ZNF16: variants seen among roughly 807,000 people sequenced by gnomAD.
The protein encoded by ZNF16 is zinc finger protein 16.
ZNF16 carries 7 observed loss-of-function variants against 9.0 expected under a neutral mutation model. That is an observed-to-expected ratio of 0.78 (90% CI 0.44 to 1.47). The LOEUF is 1.47. Among genes scored for constraint, ZNF16 ranks in the 40% most tolerant of loss-of-function variants. ZNF16 has a pLI of 0.01. For missense variants in ZNF16, 830 were observed against 854.2 expected, an observed-to-expected ratio of 0.97 and a Z score of 0.35; for synonymous variants, 312 against 301.5, an observed-to-expected ratio of 1.03 and a Z score of -0.36.
At chr8:144,947,808 C>G (rs762005320) in intron 1 of ZNF16, 1 of 152,532 alleles carries the variant, frequency 6.6e-6, no homozygotes, top group Non-Finnish European at 1.5e-5. Context: ...CCTAACTACT[C>G]CCTGTGAGCA....
At chr8:144,944,374 C>G (rs1833877583) in intron 2 of ZNF16, 1 of 152,320 alleles carries the variant, frequency 6.6e-6, no homozygotes, top group South Asian at 2.1e-4. Flanking sequence ...TGCTGGGTTA[C>G]AGGCGTGAGC....
chr8:144,937,431 G>A (rs558376145), intron 2 of ZNF16, among the ~76,000 whole-genome samples: 2 of 152,134 alleles, frequency 1.3e-5, no homozygotes, highest in South Asian at 4.1e-4. Context: ...ACCACACCTG[G>A]CTTCTTTTCA....
chr8:144,932,853 G>A lies in ZNF16; in HGVS notation c.197-263C>T, dbSNP rs1833591525. 6.6e-6 allele frequency among the ~76,000 whole-genome samples: 1 copy of A among 152,108 alleles called. No individual in the cohort carries two copies. Among genetic ancestry groups the A allele is most frequent in the Non-Finnish European group, 1.5e-5 (1 of 68,018 alleles). The stretch of plus-strand genomic sequence containing the variant: ...ACTCCACATCTCAGCAAACGTTACT[G>A]CGGTCTACCTTCTGGCTCAGGCCAA... On this transcript the variant is annotated intron_variant, in intron 2 of 2. Coordinates refer to ENST00000394909, the MANE Select transcript of ZNF16 (RefSeq NM_006958.3). This position sits in a 1 kb window ranked among gnomAD's most constrained non-coding sequence, Gnocchi z 5.0.
At position 144,931,433 on chromosome 8, in the gene ZNF16, G is replaced by T; in HGVS notation, c.1354C>A (p.Arg452=). 6.2e-7 allele frequency: 1 copy of T among 1,614,100 alleles called. No individual in the cohort carries two copies. The highest frequency in any genetic ancestry group is 8.5e-7 in the Non-Finnish European group (1 of 1,180,030). ...GGCTTTTCTCCAGTGTGAATTCTCC[G>T]ATGCTGAATAAGGCTGGAGCTCTGA... ...FSQSSSLIQH[R]RIHTGEKPHV... is the part of the protein sequence containing the mutation. The change falls in exon 3 of 3, where the codon CGG becomes AGG. Residue 452 remains arginine (R), a synonymous_variant. Coordinates refer to ENST00000394909, the MANE Select transcript of ZNF16 (RefSeq NM_006958.3).
rs1290206949 is a variant in ZNF16, at chr8:144,930,994, T to TC, written c.1792dup (p.Glu598GlyfsTer8). The TC allele has an allele frequency of 2.5e-6, 4 of 1,614,108 alleles. No individual in the cohort carries two copies. Among genetic ancestry groups the TC allele is most frequent in the Non-Finnish European group, 3.4e-6 (4 of 1,180,034 alleles). On this transcript the variant is annotated frameshift_variant, in exon 3 of 3. Transcript: ENST00000394909. LOFTEE classifies it high-confidence loss of function. ...ACATTCAACACAGGTGTAGGGTTTT[T>TC]CCCCAGTATGAACTTTCTGGTGGTG...
At chr8:144,945,716 G>T in intron 2 of ZNF16, 1 of 313,634 alleles carries the variant, frequency 3.2e-6, no homozygotes, top group Non-Finnish European at 5.8e-6. Context: ...GCTGCCACCA[G>T]CCTGGTTGTT....
intron 2 of ZNF16, among the ~76,000 whole-genome samples, chr8:144,935,652 C>A (rs531149506): frequency 2.0e-5 from 3 of 152,334 alleles, no homozygotes; most frequent in African/African-American, 7.2e-5. Flanking sequence ...ACAAAACACA[C>A]CTTCTGTGAA....
intron 2 of ZNF16, among the ~76,000 whole-genome samples, chr8:144,937,828 A>AT (rs753705842): frequency 0.011 from 980 of 88,300 alleles, 13 homozygotes; most frequent in African/African-American, 0.022. Context: ...ACAACTGGCT[A>AT]TTTTTTTTTT....
chr8:144,934,574 G>A (rs771162879), intron 2 of ZNF16, among the ~76,000 whole-genome samples: 1 of 152,222 alleles, frequency 6.6e-6, no homozygotes, highest in Non-Finnish European at 1.5e-5. Flanking sequence ...TGAGGAATGG[G>A]GGCTGCTGGG....
Position 144,932,739 on chromosome 8 carries a change from G to GT in ZNF16, c.197-150_197-149insA. 1.3e-6 allele frequency: 1 copy of GT among 741,966 alleles called. No individual in the cohort carries two copies. The highest frequency in any genetic ancestry group is 1.8e-5 in the African/African-American group (1 of 56,482). The allele number at this position is 741,966 out of a possible 1,614,324, so 46.0% of individuals were successfully genotyped here. A position where few individuals can be genotyped will look rare whatever the true frequency, so the allele number is the denominator to read the frequency against. On this transcript the variant is annotated intron_variant, in intron 2 of 2. Transcript: ENST00000394909. This position sits in a 1 kb window ranked among gnomAD's most constrained non-coding sequence, Gnocchi z 5.0. ...GCAGTCCAGATCAGAGGGCATCAGG[G>GT]AGGGGTGGGAGGAGCACTGGGTGAT...
chr8:144,941,946 C>G (rs890408277), intron 2 of ZNF16, among the ~76,000 whole-genome samples: 2 of 149,930 alleles, frequency 1.3e-5, no homozygotes, highest in African/African-American at 4.9e-5. Context: ...CGTGAGCCAC[C>G]GCGCCTGGCC....
intron 1 of ZNF16, among the ~76,000 whole-genome samples, chr8:144,948,813 C>A (rs1329438807): frequency 6.6e-6 from 1 of 152,174 alleles, no homozygotes; most frequent in South Asian, 2.1e-4. Flanking sequence ...AGAATAAATG[C>A]CCCCTCTCAC....
chr8:144,931,174 A>C lies in ZNF16; in HGVS notation c.1613T>G (p.Val538Gly), dbSNP rs1191580332. 1 of 1,614,036 alleles carries C rather than the reference A, an allele frequency of 6.2e-7. No individual in the cohort carries two copies. The highest frequency in any genetic ancestry group is 1.7e-5 in the Admixed American group (1 of 60,002). Residue 538 changes from valine (V) to glycine (G), a missense_variant, in exon 3 of 3, where the codon GTC becomes GGC. By Grantham distance (109) the Val-to-Gly change is moderately radical. Coordinates refer to ENST00000394909, the MANE Select transcript of ZNF16 (RefSeq NM_006958.3). ...TTCATAGGGCTTCTCTCCAGTGTGGACTCGCTGGTGAAGGATGAGGTTGGA... is the reference window on the plus strand; with the variant it reads ...TTCATAGGGCTTCTCTCCAGTGTGGCCTCGCTGGTGAAGGATGAGGTTGGA... The part of the protein sequence containing the change: ...RSSNLILHQR[V>G]HTGEKPYECT...
In ZNF16 at chr8:144,931,263, C is replaced by G. The variant is rs1833528687; in HGVS notation, c.1524G>C (p.Gln508His). 1 of 1,614,040 alleles carries G rather than the reference C, an allele frequency of 6.2e-7. No homozygotes were observed. Among genetic ancestry groups the G allele is most frequent in the Non-Finnish European group, 8.5e-7 (1 of 1,180,004 alleles). ...AGGGCTTGTCGCCTGTGTGCACGCCCTGGTGCTGAATGAGGGCTGAGCTGT... is the reference window on the plus strand; with the variant it reads ...AGGGCTTGTCGCCTGTGTGCACGCCGTGGTGCTGAATGAGGGCTGAGCTGT... The part of the protein sequence containing the change: ...FSHSSALIQH[Q>H]GVHTGDKPYA... The change falls in exon 3 of 3, where the codon CAG becomes CAC. Residue 508 changes from glutamine (Q) to histidine (H), a missense_variant. Gln to His is a conservative substitution (Grantham distance 24, BLOSUM62 0). Coordinates refer to ENST00000394909, the MANE Select transcript of ZNF16 (RefSeq NM_006958.3).
rs755861607 is a variant in ZNF16, at chr8:144,932,522, G to A, written c.265C>T (p.Gln89Ter). 6.2e-7 allele frequency: 1 copy of A among 1,614,204 alleles called. No homozygotes were observed. The highest frequency in any genetic ancestry group is 8.5e-7 in the Non-Finnish European group (1 of 1,180,034). ...GCATAGTTTTCTGATATTTCTGCCT[G>A]TGATTCCAAATCTTCATGAATGTCT... ...KEDIHEDLES[Q>*]AEISENYAGD... Residue 89 changes from glutamine (Q) to a stop codon, truncating the protein, a stop_gained, in exon 3 of 3, where the codon CAG becomes TAG. Coordinates refer to ENST00000394909, the MANE Select transcript of ZNF16 (RefSeq NM_006958.3). LOFTEE classifies it low-confidence loss of function (END_TRUNC). The surrounding 1 kb of genome is among the most constrained non-coding windows in gnomAD (Gnocchi z 5.0).
At chr8:144,945,416 G>C (rs1470977102) in intron 2 of ZNF16, 1 of 152,524 alleles carries the variant, frequency 6.6e-6, no homozygotes, top group Non-Finnish European at 1.5e-5. Flanking sequence ...TGGGATTACA[G>C]GCGAGAGTGA....
intron 2 of ZNF16, among the ~76,000 whole-genome samples, chr8:144,940,963 T>A (rs1467467986): frequency 6.6e-6 from 1 of 152,102 alleles, no homozygotes; most frequent in African/African-American, 2.4e-5. Context: ...CATGGCCCAG[T>A]CACCTCCCAA....
chr8:144,931,481 T>C lies in ZNF16; in HGVS notation c.1306A>G (p.Ser436Gly), dbSNP rs1833538658. ...TGACTAAATGCTTTCCCACAGTCAC[T>C]GCACTTATAGGGCTTCTCTCCAGTG... ...VHTGEKPYKCSDCGKAFSQSS... is the reference protein window; with the variant it reads ...VHTGEKPYKCGDCGKAFSQSS... The change falls in exon 3 of 3, where the codon AGT becomes GGT. Residue 436 changes from serine (S) to glycine (G), a missense_variant. By Grantham distance (56) the Ser-to-Gly change is moderately conservative (BLOSUM62 0). Transcript: ENST00000394909. 1.9e-6 allele frequency: 3 copies of C among 1,614,074 alleles called. No individual in the cohort carries two copies. The highest frequency in any genetic ancestry group is 3.3e-5 in the Admixed American group (2 of 60,008).
At position 144,932,639 on chromosome 8, in the gene ZNF16, G is replaced by A. The variant is rs376254279; in HGVS notation, c.197-49C>T. On this transcript the variant is annotated intron_variant, in intron 2 of 2. Transcript: ENST00000394909. The surrounding 1 kb of genome is among the most constrained non-coding windows in gnomAD (Gnocchi z 5.0). ...CTTGGAAGGCAGTGCTGCAGCAGGA[G>A]CAGGAACATAGACAGTCACAGTTGC... 5 of 1,571,340 alleles carry A rather than the reference G, an allele frequency of 3.2e-6. No individual in the cohort carries two copies. The highest frequency in any genetic ancestry group is 3.5e-6 in the Non-Finnish European group (4 of 1,157,722).
Sources: allele counts gnomAD v4.1 joint callset (sites outside exome capture counted in the v4.1 genomes callset), GRCh38; gene constraint gnomAD v4.1.1; non-coding constraint Gnocchi (gnomAD v3.1); transcripts MANE v1.5; gene names NCBI Gene and HGNC (gene_info 2026-07-23, HGNC 2026-07-21).